Variants in SELE observed in about 807,000 individuals in gnomAD.
SELE encodes selectin E.
SELE carries 52 observed loss-of-function variants against 75.8 expected under a neutral mutation model. That is an observed-to-expected ratio of 0.69 (90% confidence interval 0.55 to 0.86). SELE has a LOEUF of 0.86. Among genes scored for constraint, SELE ranks in the 40% least tolerant of loss-of-function variants. The pLI is 0.00. For synonymous variants in SELE, 285 were observed against 258.7 expected (o/e 1.10, Z -0.98); for missense variants, 754 against 732.7 (o/e 1.03, Z -0.34).
At position 169,729,612 on chromosome 1, in the gene SELE, A is replaced by C. The variant is rs774652217; in HGVS notation, c.777T>G (p.Pro259=). The change falls in exon 6 of 14, where the codon CCT becomes CCG. Residue 259 remains proline (P), a synonymous_variant. Coordinates refer to ENST00000333360, the MANE Select transcript of SELE (RefSeq NM_000450.2). The part of the protein sequence containing the change: ...ANGFVECFQN[P]GSFPWNTTCT... Reference sequence around the variant, plus strand: ...AGGTTGTGTTCCATGGGAAGCTTCCAGGGTTTTGGAAACATTCCACGAACC... The same window carrying C: ...AGGTTGTGTTCCATGGGAAGCTTCCCGGGTTTTGGAAACATTCCACGAACC... 1.2e-6 allele frequency: 2 copies of C among 1,614,198 alleles called. No individual in the cohort carries two copies. Among genetic ancestry groups the C allele is most frequent in the South Asian group, 2.2e-5 (2 of 91,086 alleles).
intron 1 of SELE, 93 bp from the exon 2 acceptor site, chr1:169,733,753 AT>A: frequency 1.2e-6 from 1 of 811,094 alleles, no homozygotes. Flanking sequence ...GCATCCTAAG[AT>A]TTTGGGCAAA....
chr1:169,732,571 CCA>C, intron 3 of SELE, 42 bp downstream of exon 3: 1 of 1,517,228 alleles, frequency 6.6e-7, no homozygotes, highest in Non-Finnish European at 8.8e-7. Flanking sequence ...GCCAAGATGC[CCA>C]CACACTGAAA....
chr1:169,732,346 TA>T (rs1648931478), intron 3 of SELE, among the ~76,000 whole-genome samples: 1 of 150,548 alleles, frequency 6.6e-6, no homozygotes, highest in Admixed American at 6.6e-5. Flanking sequence ...TGTATATATA[TA>T]AAATGTATAT....
In SELE at chr1:169,727,845, C is replaced by A. The variant is rs1393925999; in HGVS notation, c.1362G>T (p.Lys454Asn). ...CCTCACAGCTGAAGGCACAAGAGGA[C>A]TTGTAGGTGAATTCTCCAATAGGGG... ...AHSPIGEFTY[K>N]SSCAFSCEEG... Residue 454 changes from lysine to asparagine, a missense_variant, in exon 9 of 14, where the codon AAG becomes AAT. Physicochemically the swap from Lys to Asn is moderately conservative, Grantham distance 94. Transcript: ENST00000333360. The A allele has an allele frequency of 6.2e-7, 1 of 1,614,048 alleles. No homozygotes were observed. Among genetic ancestry groups the A allele is most frequent in the Non-Finnish European group, 8.5e-7 (1 of 1,180,016 alleles).
intron 11 of SELE, 68 bp downstream of exon 11, chr1:169,726,631 T>G: frequency 1.9e-6 from 2 of 1,065,664 alleles, no homozygotes; most frequent in Admixed American, 3.9e-5. Flanking sequence ...AGCAAGACCA[T>G]GACTTATCAA....
In SELE at chr1:169,727,933, A is replaced by G; in HGVS notation, c.1280-6T>C. The stretch of plus-strand genomic sequence containing the variant: ...GACAGCATCGCATCTCACAGCTGGA[A>G]CACACGAGAGAGCACTTTAGAAGTT... On this transcript the variant is annotated splice_region_variant and splice_polypyrimidine_tract_variant and intron_variant, in intron 8 of 13. Coordinates refer to ENST00000333360, the MANE Select transcript of SELE (RefSeq NM_000450.2). 6.2e-7 allele frequency: 1 copy of G among 1,612,236 alleles called. No homozygotes were observed. The highest frequency in any genetic ancestry group is 8.5e-7 in the Non-Finnish European group (1 of 1,178,886).
In SELE at chr1:169,729,359, G is replaced by C; in HGVS notation, c.917C>G (p.Ala306Gly). The C allele has an allele frequency of 1.2e-6, 2 of 1,613,770 alleles. No individual in the cohort carries two copies. Among genetic ancestry groups the C allele is most frequent in the South Asian group, 1.1e-5 (1 of 91,024 alleles). ...KPTCKAVTCR[A>G]VRQPQNGSVR... is the part of the protein sequence containing the mutation. The stretch of plus-strand genomic sequence containing the variant: ...AGAGCCATTCTGAGGCTGGCGGACG[G>C]CCCTGCATGTCACAGCTGTAACAAA... The change falls in exon 7 of 14, where the codon GCC (alanine) becomes GGC (glycine). Residue 306 changes from alanine to glycine, a missense_variant. Transcript: ENST00000333360.
intron 4 of SELE, among the ~76,000 whole-genome samples, chr1:169,731,065 C>T (rs1648899357): frequency 6.6e-6 from 1 of 152,154 alleles, no homozygotes; most frequent in Admixed American, 6.5e-5. Flanking sequence ...TTTTAAAACC[C>T]TAATGCTGCA....
At position 169,727,419 on chromosome 1, in the gene SELE, C is replaced by T. The variant is rs765422965; in HGVS notation, c.1575G>A (p.Thr525=). 11 of 1,614,040 alleles carry T rather than the reference C, an allele frequency of 6.8e-6. No individual in the cohort carries two copies. The highest frequency in any genetic ancestry group is 1.3e-5 in the African/African-American group (1 of 74,924). The part of the protein sequence containing the change: ...VCKFACPEGW[T]LNGSAARTCG... ...ATGTCCGAGCTGCAGAGCCATTGAG[C>T]GTCCATCCTTCAGGACAGGCGAACT... Residue 525 remains threonine (T), a synonymous_variant, in exon 10 of 14, where the codon ACG becomes ACA. Coordinates refer to ENST00000333360, the MANE Select transcript of SELE (RefSeq NM_000450.2).
In SELE at chr1:169,729,166, T is replaced by C; in HGVS notation, c.1090+20A>G. The C allele has an allele frequency of 2.5e-6, 4 of 1,570,236 alleles. No homozygotes were observed. The highest frequency in any genetic ancestry group is 1.7e-4 in the Middle Eastern group (1 of 5,826). On this transcript the variant is annotated intron_variant, in intron 7 of 13. Transcript: ENST00000333360. Reference sequence around the variant, plus strand: ...TGGTTGTTCTTTAAGAAAGTATAAATCGAAGGATCTCAAGCTTACCTTCAC... The same window carrying C: ...TGGTTGTTCTTTAAGAAAGTATAAACCGAAGGATCTCAAGCTTACCTTCAC...
At position 169,724,274 on chromosome 1, in the gene SELE, C is replaced by T. The variant is rs930870598; in HGVS notation, c.*251G>A. On this transcript the variant is annotated 3_prime_UTR_variant, in exon 14 of 14. Coordinates refer to ENST00000333360, the MANE Select transcript of SELE (RefSeq NM_000450.2). Reference sequence around the variant, plus strand: ...CTTTGCTTGGAAGAAAATATCCTTTCCCTTCATTAGCCAACACTTTCTTGA... The same window carrying T: ...CTTTGCTTGGAAGAAAATATCCTTTTCCTTCATTAGCCAACACTTTCTTGA... 4.6e-5 allele frequency: 7 copies of T among 152,324 alleles called. No homozygotes were observed. The highest frequency in any genetic ancestry group is 6.8e-3 in the Middle Eastern group (2 of 294). The allele number at this position is 152,324 out of a possible 1,614,324, so 9.4% of individuals were successfully genotyped here.
chr1:169,733,879 G>A (rs570976644), intron 1 of SELE, 92 bp downstream of exon 1: 52 of 501,976 alleles, frequency 1.0e-4, no homozygotes, highest in Middle Eastern at 5.4e-4. Flanking sequence ...AATACAATAA[G>A]AGCTTGTACA....
In SELE at chr1:169,732,525, C is replaced by A. The variant is rs187133203; in HGVS notation, c.421+90G>T. The A allele has an allele frequency of 6.7e-4, 964 of 1,441,698 alleles. 7 individuals are homozygous for A. The Middle Eastern group carries it at 7.0e-3, about 10-fold the overall frequency. The allele number at this position is 1,441,698 out of a possible 1,614,324, so 89.3% of individuals were successfully genotyped here. On this transcript the variant is annotated intron_variant, in intron 3 of 13. Transcript: ENST00000333360. ...CAGAATCTTTTGGAACATAAAATGA[C>A]CACAATAGAGAGCAGTTTTTGCATG...
chr1:169,726,062 G>T, intron 11 of SELE, 134 bp from the exon 12 acceptor site: 1 of 1,014,662 alleles, frequency 9.9e-7, no homozygotes, highest in Non-Finnish European at 1.5e-6. Context: ...AATAATCAGA[G>T]CACAAGCATG....
Position 169,728,067 on chromosome 1 carries a change from T to A in SELE, c.1270A>T (p.Thr424Ser). Residue 424 changes from threonine (T) to serine (S), a missense_variant, in exon 8 of 14, where the codon ACA becomes TCA. By Grantham distance (58) the Thr-to-Ser change is moderately conservative. Coordinates refer to ENST00000333360, the MANE Select transcript of SELE (RefSeq NM_000450.2). ...AAAACAAAGACTGTACCTTCACATG[T>A]GGGCTTCTCGTTGTCCCACTCCCCT... ...PTGEWDNEKP[T>S]CEAVRCDAVH... 1.2e-6 allele frequency: 2 copies of A among 1,611,788 alleles called. No homozygotes were observed. Among genetic ancestry groups the A allele is most frequent in the Non-Finnish European group, 1.7e-6 (2 of 1,179,434 alleles).
rs1229606661 is a variant in SELE at position 169,722,936 on chromosome 1, A to T, written c.*1589T>A. On this transcript the variant is annotated 3_prime_UTR_variant, in exon 14 of 14. Transcript: ENST00000333360. ...CCCAGAGTTTTTCTGCCCCTTTAAAAGAACCTCTGCTGTTCTGATCCTTAT... is the reference window on the plus strand; with the variant it reads ...CCCAGAGTTTTTCTGCCCCTTTAAATGAACCTCTGCTGTTCTGATCCTTAT... 1 of 152,216 alleles carries T rather than the reference A, an allele frequency of 6.6e-6. No individual in the cohort carries two copies. The highest frequency in any genetic ancestry group is 1.5e-5 in the Non-Finnish European group (1 of 68,036). 9.4% of individuals were successfully genotyped at this position (152,216 alleles called of 1,614,324 possible). A position where few individuals can be genotyped will look rare whatever the true frequency, so the allele number is the denominator to read the frequency against.
rs368472294 is a variant in SELE at position 169,729,393 on chromosome 1, T to C, written c.902-19A>G. ...GTCACAGCTGTAACAAATATACGCATTGATATTAGCACGGCCTAGAATTAG... is the reference window on the plus strand; with the variant it reads ...GTCACAGCTGTAACAAATATACGCACTGATATTAGCACGGCCTAGAATTAG... On this transcript the variant is annotated intron_variant, in intron 6 of 13. Coordinates refer to ENST00000333360, the MANE Select transcript of SELE (RefSeq NM_000450.2). 3.7e-6 allele frequency: 6 copies of C among 1,612,162 alleles called. No homozygotes were observed. The highest frequency in any genetic ancestry group is 1.6e-4 in the Middle Eastern group (1 of 6,078).
rs1480422300 is a variant in SELE, at chr1:169,722,962, C to T, written c.*1563G>A. ...GAACCTCTGCTGTTCTGATCCTTATCACATCTCTGTTTTGACTGTTGGCTT... is the reference window on the plus strand; with the variant it reads ...GAACCTCTGCTGTTCTGATCCTTATTACATCTCTGTTTTGACTGTTGGCTT... On this transcript the variant is annotated 3_prime_UTR_variant, in exon 14 of 14. Transcript: ENST00000333360. 1 of 152,188 alleles carries T rather than the reference C, an allele frequency of 6.6e-6. No individual in the cohort carries two copies. The highest frequency in any genetic ancestry group is 1.5e-5 in the Non-Finnish European group (1 of 68,032). 9.4% of individuals were successfully genotyped at this position (152,188 alleles called of 1,614,324 possible).
In SELE at chr1:169,733,637, A is replaced by C; in HGVS notation, c.-25T>G. 6.2e-7 allele frequency: 1 copy of C among 1,612,462 alleles called. No homozygotes were observed. ...TGACTTCAAGAGTTCTTTTCACCCA[A>C]AGGTTTAGGCTTGAAATACTTTCCT... On this transcript the variant is annotated 5_prime_UTR_variant, in exon 2 of 14. Transcript: ENST00000333360.
Sources: gnomAD v4.1 joint callset for allele counts (sites outside exome capture counted in the v4.1 genomes callset) on GRCh38, gnomAD v4.1.1 for gene constraint, MANE v1.5 for transcripts, NCBI Gene and HGNC (gene_info 2026-07-23, HGNC 2026-07-21) for gene names.